NCKAP5: variants seen among roughly 807,000 people sequenced by gnomAD.
The protein encoded by NCKAP5 is nck-associated protein 5.
A neutral mutation model predicts 167.0 loss-of-function variants in NCKAP5; 92 were observed. That is an observed-to-expected ratio of 0.55 (90% CI 0.47 to 0.66). NCKAP5 has a LOEUF of 0.66. Ranked by LOEUF, NCKAP5 falls within the 30% of genes least tolerant of loss-of-function variation. The probability of loss-of-function intolerance (pLI) is 0.00; values close to 1 mark genes in which losing one functional copy is unlikely to be tolerated. For synonymous variants in NCKAP5, 891 were observed against 877.4 expected (o/e 1.02, Z -0.27); for missense variants, 2,378 against 2,315.0 (o/e 1.03, Z -0.56).
intron 3 of NCKAP5, among the ~76,000 whole-genome samples, chr2:133,338,189 T>C (rs1258674780): frequency 6.6e-6 from 1 of 152,220 alleles, no homozygotes; most frequent in Non-Finnish European, 1.5e-5. Flanking sequence ...GCAAGTACCA[T>C]CACAGACATT....
intron 4 of NCKAP5, among the ~76,000 whole-genome samples, chr2:133,245,885 G>T (rs1022387648): frequency 2.4e-5 from 3 of 125,574 alleles, no homozygotes; most frequent in African/African-American, 9.3e-5. Context: ...GGATTTTTTT[G>T]ATTTGATCAG....
intron 5 of NCKAP5, among the ~76,000 whole-genome samples, chr2:133,205,063 T>G (rs939423236): frequency 1.3e-5 from 2 of 152,074 alleles, no homozygotes; most frequent in Non-Finnish European, 2.9e-5. Context: ...CTGAGGCTGG[T>G]GGATCCCTTG....
chr2:133,073,958 T>C (rs954761008), intron 6 of NCKAP5, among the ~76,000 whole-genome samples: 1 of 152,158 alleles, frequency 6.6e-6, no homozygotes, highest in African/African-American at 2.4e-5. Flanking sequence ...GTTTTACCTA[T>C]CACTGGCACT....
intron 6 of NCKAP5, among the ~76,000 whole-genome samples, chr2:133,048,551 T>C (rs13395693): frequency 0.31 from 47,795 of 152,102 alleles, 8,154 homozygotes; most frequent in South Asian, 0.48. Flanking sequence ...AGGCCATATG[T>C]GGATAATTTT....
chr2:133,401,314 A>G (rs546403785), intron 3 of NCKAP5, among the ~76,000 whole-genome samples: 1 of 152,320 alleles, frequency 6.6e-6, no homozygotes, highest in African/African-American at 2.4e-5. Flanking sequence ...TCAAACTTGT[A>G]TCATTTATAG....
intron 6 of NCKAP5, among the ~76,000 whole-genome samples, chr2:133,026,380 T>G (rs1343913856): frequency 2.9e-5 from 1 of 34,498 alleles, no homozygotes; most frequent in African/African-American, 9.9e-5. Context: ...GTTCTAGTGT[T>G]TTTTTTTTTT....
intron 6 of NCKAP5, among the ~76,000 whole-genome samples, chr2:133,035,698 A>G (rs2079018808): frequency 6.6e-6 from 1 of 151,922 alleles, no homozygotes; most frequent in South Asian, 2.1e-4. Flanking sequence ...CAAAAGAGGG[A>G]AGTTTATAGA....
intron 3 of NCKAP5, among the ~76,000 whole-genome samples, chr2:133,432,065 C>T (rs1690195466): frequency 6.6e-6 from 1 of 152,100 alleles, no homozygotes; most frequent in Non-Finnish European, 1.5e-5. Context: ...ATTCCTTAAC[C>T]TTTGCTTCAA....
intron 6 of NCKAP5, among the ~76,000 whole-genome samples, chr2:133,063,279 T>G (rs781270240): frequency 1.8e-4 from 27 of 152,344 alleles, no homozygotes; most frequent in Admixed American, 6.5e-4. Context: ...CACTTTGGAT[T>G]TATAATCAAT....
chr2:132,706,762 T>C (rs1688393299), intron 19 of NCKAP5, among the ~76,000 whole-genome samples: 1 of 151,878 alleles, frequency 6.6e-6, no homozygotes, highest in South Asian at 2.1e-4. Context: ...TGATATGACA[T>C]GAAAGAATGA....
At chr2:133,444,407 GAT>G (rs139030527) in intron 3 of NCKAP5, among the ~76,000 whole-genome samples, 2,012 of 121,680 alleles carry the variant, frequency 0.017, 20 homozygotes, top group African/African-American at 0.052. Context: ...TAGATAGATA[GAT>G]ATAGATATAG....
intron 7 of NCKAP5, among the ~76,000 whole-genome samples, chr2:132,976,695 T>C (rs1347559513): frequency 6.6e-6 from 1 of 152,028 alleles, no homozygotes. Context: ...AATGCATATG[T>C]TAATTAGCTT....
intron 18 of NCKAP5, among the ~76,000 whole-genome samples, chr2:132,726,596 T>G (rs1162195493): frequency 6.6e-6 from 1 of 152,226 alleles, no homozygotes; most frequent in East Asian, 1.9e-4. Context: ...AGCCAGATAG[T>G]TCCAATACAG....
intron 15 of NCKAP5, among the ~76,000 whole-genome samples, chr2:132,775,053 T>G (rs2104969658): frequency 6.6e-6 from 1 of 152,324 alleles, no homozygotes; most frequent in Admixed American, 6.5e-5. Context: ...TACATAGCTC[T>G]TTTAAAATAC....
intron 8 of NCKAP5, among the ~76,000 whole-genome samples, chr2:132,948,357 C>T (rs563783754): frequency 6.6e-6 from 1 of 152,174 alleles, no homozygotes; most frequent in Admixed American, 6.5e-5. Context: ...CAGCTGGCAG[C>T]AGGTACCCAA....
chr2:132,936,365 A>T (rs572291785), intron 8 of NCKAP5, among the ~76,000 whole-genome samples: 1 of 152,348 alleles, frequency 6.6e-6, no homozygotes, highest in Non-Finnish European at 1.5e-5. Context: ...GACTGGATAA[A>T]TTATGGTACA....
chr2:132,878,559 C>T (rs911299504), intron 9 of NCKAP5, among the ~76,000 whole-genome samples: 1 of 150,520 alleles, frequency 6.6e-6, no homozygotes, highest in African/African-American at 2.4e-5. Context: ...GAAACAACAA[C>T]CAAAAGGAAT....
At chr2:132,830,403 A>G (rs1343658590) in intron 11 of NCKAP5, among the ~76,000 whole-genome samples, 2 of 149,848 alleles carry the variant, frequency 1.3e-5, no homozygotes, top group Non-Finnish European at 3.0e-5. Context: ...GTTGCTTGCA[A>G]CAGTCTAAGG....
chr2:133,238,804 T>C (rs571058759), intron 4 of NCKAP5, among the ~76,000 whole-genome samples: 5 of 152,186 alleles, frequency 3.3e-5, no homozygotes, highest in Admixed American at 3.3e-4. Context: ...AAGGTCCTGC[T>C]TCCAGTTCCT....
Sources: gnomAD v4.1 joint callset for allele counts (sites outside exome capture counted in the v4.1 genomes callset) on GRCh38, gnomAD v4.1.1 for gene constraint, MANE v1.5 for transcripts, NCBI Gene and HGNC (gene_info 2026-07-23, HGNC 2026-07-21) for gene names.